The following PCDHA4 variants were observed in gnomAD, a reference collection of about 807,000 sequenced individuals.
PCDHA4 encodes the protein protocadherin alpha 4.
PCDHA4 carries 49 observed loss-of-function variants against 61.4 expected under a neutral mutation model. The ratio of observed to expected loss-of-function variants is 0.80; its 90% confidence interval spans 0.63 to 1.01. PCDHA4 has a LOEUF of 1.01. Ranked by LOEUF, PCDHA4 falls within the 50% of genes least tolerant of loss-of-function variation. PCDHA4 has a pLI of 0.00. For synonymous variants in PCDHA4, 590 were observed against 550.3 expected (o/e 1.07, Z -1.01); for missense variants, 1,254 against 1,235.8 (o/e 1.01, Z -0.22).
chr5:140,988,193 A>G (rs528689173), intron 3 of PCDHA4, among the ~76,000 whole-genome samples: 4 of 152,192 alleles, frequency 2.6e-5, no homozygotes, highest in South Asian at 2.1e-4. Flanking sequence ...AGGTGTGTGC[A>G]TATCCTTATT....
intron 1 of PCDHA4, chr5:140,836,178 G>T (rs2150254808): frequency 1.2e-6 from 2 of 1,613,826 alleles, no homozygotes; most frequent in Non-Finnish European, 1.7e-6. Context: ...TGCAGTTGAC[G>T]CTGACTCAGG....
intron 1 of PCDHA4, chr5:140,830,290 G>T (rs554863669): frequency 6.2e-7 from 1 of 1,613,848 alleles, no homozygotes; most frequent in African/African-American, 1.3e-5. Context: ...GCGCGTGCAC[G>T]GCGGACAAGC....
rs2150396566 is a variant in PCDHA4, at chr5:140,846,990, G to A, written c.2385+37418G>A. 7.1e-4 allele frequency among the ~76,000 whole-genome samples: 106 copies of A among 149,506 alleles called. 4 individuals are homozygous for A. In the South Asian group the frequency reaches 0.022, roughly 31 times the overall value. On this transcript the variant is annotated intron_variant, in intron 1 of 3. Coordinates refer to ENST00000530339, the MANE Select transcript of PCDHA4 (RefSeq NM_018907.4). The stretch of plus-strand genomic sequence containing the variant: ...GTTTTAAAATAAGTAAGTTCCCCCC[G>A]GGAGAATATTGAGAATGATAGACAT...
At chr5:140,853,910 T>G (rs2042903621) in intron 1 of PCDHA4, 1 of 948,962 alleles carries the variant, frequency 1.1e-6, no homozygotes, top group Non-Finnish European at 1.3e-6. Context: ...GCCTGACACC[T>G]GCAATCCCAA....
At chr5:140,859,799 T>C (rs2046021191) in intron 1 of PCDHA4, 1 of 152,502 alleles carries the variant, frequency 6.6e-6, no homozygotes. Flanking sequence ...AAATTATAGA[T>C]GCTAAGTTAA....
In PCDHA4 at chr5:140,830,371, C is replaced by T. The variant is rs142388736; in HGVS notation, c.2385+20799C>T. 3.7e-5 allele frequency: 60 copies of T among 1,614,002 alleles called. No individual in the cohort carries two copies. In the Middle Eastern group the frequency reaches 6.6e-4, roughly 18 times the overall value. ...AGCAGAGGCGGCAGAGGGTGTGCTC[C>T]GGGGAGGGCCCACCCAAGATGGATC... On this transcript the variant is annotated intron_variant, in intron 1 of 3. Transcript: ENST00000530339.
intron 1 of PCDHA4, chr5:140,865,066 G>A (rs1299001288): frequency 1.3e-5 from 2 of 152,140 alleles, no homozygotes; most frequent in African/African-American, 4.8e-5. Flanking sequence ...AATAACTTAA[G>A]TATAAGAACC....
chr5:141,009,584 A>G, intron 3 of PCDHA4, 43 bp from the exon 4 acceptor site: 1 of 1,592,004 alleles, frequency 6.3e-7, no homozygotes, highest in Non-Finnish European at 8.6e-7. Context: ...CATCAAGAGC[A>G]TGTGTTGACC....
rs141079325 is a variant in PCDHA4 at position 140,900,797 on chromosome 5, T to C, written c.2386-78152T>C. Among the ~76,000 whole-genome samples the C allele has an allele frequency of 8.0e-3, 1,218 of 152,324 alleles. 6 individuals carry two copies. Among genetic ancestry groups the C allele is most frequent in the African/African-American group, 0.019 (783 of 41,568 alleles). On this transcript the variant is annotated intron_variant, in intron 1 of 3. Coordinates refer to ENST00000530339, the MANE Select transcript of PCDHA4 (RefSeq NM_018907.4). ...TGAGGAAACTCCAAACTGTTCTCCA[T>C]AGTGCTTGTACTAATTTACATTCCC...
intron 1 of PCDHA4, chr5:140,830,609 TTTTA>T: frequency 4.9e-6 from 3 of 615,770 alleles, no homozygotes; most frequent in Admixed American, 3.9e-5. Flanking sequence ...CATATTTTCA[TTTTA>T]TTGTGTTTCT....
chr5:140,986,545 G>T (rs1554248133), intron 3 of PCDHA4, among the ~76,000 whole-genome samples: 1 of 152,172 alleles, frequency 6.6e-6, no homozygotes, highest in East Asian at 1.9e-4. Context: ...GCTTCAGTGG[G>T]CCAGGCTGCT....
At chr5:140,925,959 T>A (rs1424415985) in intron 1 of PCDHA4, among the ~76,000 whole-genome samples, 5 of 151,912 alleles carry the variant, frequency 3.3e-5, no homozygotes, top group African/African-American at 4.8e-5. Flanking sequence ...GAAACTGCTA[T>A]CACGCAAAAA....
rs782023174 is a variant in PCDHA4 at position 140,870,968 on chromosome 5, G to A, written c.2385+61396G>A. 39 of 1,613,492 alleles carry A rather than the reference G, an allele frequency of 2.4e-5. No homozygotes were observed. Among genetic ancestry groups the A allele is most frequent in the Admixed American group, 2.2e-4 (13 of 59,998 alleles). ...GCGGGCGGCTCGCGCATCCCGTTCC[G>A]CGTGGGGCTGTACACGGGCGAGATA... On this transcript the variant is annotated intron_variant, in intron 1 of 3. Transcript: ENST00000530339.
rs1563353899 is a variant in PCDHA4, at chr5:140,966,713, G to A, written c.2386-12236G>A. The A allele has an allele frequency of 4.3e-6, 6 of 1,392,826 alleles. No individual in the cohort carries two copies. The African/African-American group carries it at 9.1e-5, about 21-fold the overall frequency. 86.3% of individuals were successfully genotyped at this position (1,392,826 alleles called of 1,614,324 possible). ...CGGGGCCCGGGCGTGGGGCACGGCTGGGGAAGCTGCCGCCTCCGGCCCTGC... is the reference window on the plus strand; with the variant it reads ...CGGGGCCCGGGCGTGGGGCACGGCTAGGGAAGCTGCCGCCTCCGGCCCTGC... On this transcript the variant is annotated intron_variant, in intron 1 of 3. Transcript: ENST00000530339.
intron 1 of PCDHA4, chr5:140,822,382 G>A (rs2150115866): frequency 6.2e-7 from 1 of 1,614,100 alleles, no homozygotes; most frequent in South Asian, 1.1e-5. Flanking sequence ...AGATAGAGAA[G>A]AAACACAAGA....
chr5:140,967,998 G>A lies in PCDHA4; in HGVS notation c.2386-10951G>A, dbSNP rs1554230183. The A allele has an allele frequency of 1.9e-6, 3 of 1,614,040 alleles. No individual in the cohort carries two copies. Among genetic ancestry groups the A allele is most frequent in the African/African-American group, 1.3e-5 (1 of 74,916 alleles). The stretch of plus-strand genomic sequence containing the variant: ...GGTCTGGAGGCCACACTGCCTTTCC[G>A]ACTGAATGGCTTTGGAAACTCCTAT... On this transcript the variant is annotated intron_variant, in intron 1 of 3. Transcript: ENST00000530339.
At chr5:140,822,791 T>C (rs1231627959) in intron 1 of PCDHA4, 1 of 1,614,078 alleles carries the variant, frequency 6.2e-7, no homozygotes, top group East Asian at 2.2e-5. Context: ...GTAGTGAAAC[T>C]CCTGGATGTG....
intron 3 of PCDHA4, among the ~76,000 whole-genome samples, chr5:141,005,018 T>G (rs2098193299): frequency 6.6e-6 from 1 of 152,250 alleles, no homozygotes; most frequent in Non-Finnish European, 1.5e-5. Context: ...AGCTGCATTA[T>G]ATATAATTGC....
chr5:140,956,497 A>G (rs2095288493), intron 1 of PCDHA4, among the ~76,000 whole-genome samples: 2 of 152,190 alleles, frequency 1.3e-5, no homozygotes, highest in Admixed American at 1.3e-4. Flanking sequence ...CCAGGGATGA[A>G]GCCTACTTGA....
Sources: allele counts gnomAD v4.1 joint callset (sites outside exome capture counted in the v4.1 genomes callset), GRCh38; gene constraint gnomAD v4.1.1; transcripts MANE v1.5; gene names NCBI Gene and HGNC (gene_info 2026-07-23, HGNC 2026-07-21).